TMEM132B: variants seen among roughly 807,000 people sequenced by gnomAD.
The protein encoded by TMEM132B is transmembrane protein 132B.
A neutral mutation model predicts 90.8 loss-of-function variants in TMEM132B; 18 were observed. The observed-to-expected ratio is 0.20, with a 90% CI of 0.14 to 0.29. The LOEUF (loss-of-function observed/expected upper bound fraction) is 0.29. TMEM132B is among the 10% of genes least tolerant of loss of function. The pLI is 1.00. For missense variants in TMEM132B, 1,096 were observed against 1,326.8 expected (o/e 0.83, Z 2.70); for synonymous variants, 504 against 523.3 (o/e 0.96, Z 0.50).
At chr12:125,374,668 T>C (rs1260784832) in intron 2 of TMEM132B, among the ~76,000 whole-genome samples, 1 of 148,454 alleles carries the variant, frequency 6.7e-6, no homozygotes, top group Non-Finnish European at 1.5e-5. Flanking sequence ...CTTCTCTATC[T>C]TTCTTGCCTA....
intron 5 of TMEM132B, among the ~76,000 whole-genome samples, chr12:125,640,501 C>T (rs191505912): frequency 1.1e-4 from 16 of 152,154 alleles, no homozygotes; most frequent in East Asian, 3.9e-4. Context: ...GGGCCTGTGC[C>T]GGGTAGGGAG....
rs563948636 is a variant in TMEM132B, at chr12:125,324,394, T to C, written c.68-25058T>C. On this transcript the variant is annotated intron_variant, in intron 1 of 8. Transcript: ENST00000682704. The stretch of plus-strand genomic sequence containing the variant: ...GTCACGTCACGCGTGTGCAGGTAGA[T>C]TCATAGGATAAGTTCTGAGAAGAAG... Among the ~76,000 whole-genome samples the C allele has an allele frequency of 4.6e-5, 7 of 152,320 alleles. No individual in the cohort carries two copies. In the East Asian group the frequency reaches 1.4e-3, roughly 29 times the overall value.
chr12:125,534,347 A>G (rs534270220), intron 4 of TMEM132B, among the ~76,000 whole-genome samples: 6 of 152,142 alleles, frequency 3.9e-5, no homozygotes, highest in Non-Finnish European at 8.8e-5. Flanking sequence ...TGAGACTCCT[A>G]TCTCTACAAA....
chr12:125,301,334 A>G (rs919415114), intron 1 of TMEM132B: 5 of 152,122 alleles, frequency 3.3e-5, no homozygotes, highest in South Asian at 2.1e-4. Context: ...GGCGGGGTCT[A>G]TTTCTCTACC....
At chr12:125,337,380 G>C (rs1330513060) in intron 1 of TMEM132B, among the ~76,000 whole-genome samples, 1 of 152,054 alleles carries the variant, frequency 6.6e-6, no homozygotes, top group Non-Finnish European at 1.5e-5. Context: ...TCCTCGCGTG[G>C]AGGTTCCAGG....
chr12:125,606,421 C>T (rs1344960876), intron 5 of TMEM132B, among the ~76,000 whole-genome samples: 1 of 151,044 alleles, frequency 6.6e-6, no homozygotes, highest in Non-Finnish European at 1.5e-5. Context: ...AATATGTGTG[C>T]ACACATGAGC....
At chr12:125,316,758 G>A (rs1220741744) in intron 1 of TMEM132B, among the ~76,000 whole-genome samples, 2 of 152,204 alleles carry the variant, frequency 1.3e-5, no homozygotes, top group Non-Finnish European at 2.9e-5. Context: ...GGGGGCTGCA[G>A]TGACGTAAGC....
chr12:125,508,963 T>A (rs1032634825), intron 3 of TMEM132B, among the ~76,000 whole-genome samples: 6 of 151,902 alleles, frequency 3.9e-5, no homozygotes, highest in Admixed American at 2.6e-4. Flanking sequence ...TTTGTAGTTT[T>A]GGTAGAGACG....
chr12:125,233,981 G>A (rs1396001334), intron 1 of TMEM132B, among the ~76,000 whole-genome samples: 1 of 152,138 alleles, frequency 6.6e-6, no homozygotes, highest in Non-Finnish European at 1.5e-5. Context: ...TCTCTTACTG[G>A]CTTCTTATTA....
intron 3 of TMEM132B, among the ~76,000 whole-genome samples, chr12:125,489,262 T>A (rs1417731811): frequency 6.6e-6 from 1 of 152,218 alleles, no homozygotes; most frequent in South Asian, 2.1e-4. Context: ...CCTTCATTTA[T>A]GGTTGAGAAA....
intron 4 of TMEM132B, among the ~76,000 whole-genome samples, chr12:125,568,788 A>G (rs1376937987): frequency 6.6e-6 from 1 of 152,150 alleles, no homozygotes; most frequent in Non-Finnish European, 1.5e-5. Context: ...GAGTGACCAC[A>G]TTTACTTTGA....
At chr12:125,258,901 G>A (rs1874499208) in intron 1 of TMEM132B, among the ~76,000 whole-genome samples, 1 of 152,172 alleles carries the variant, frequency 6.6e-6, no homozygotes, top group South Asian at 2.1e-4. Context: ...CGGAGAAGGA[G>A]CCATCCTTGG....
chr12:125,234,043 G>A (rs1275631794), intron 1 of TMEM132B, among the ~76,000 whole-genome samples: 1 of 152,192 alleles, frequency 6.6e-6, no homozygotes, highest in African/African-American at 2.4e-5. Flanking sequence ...AAGGATTGCT[G>A]TAGTCAGGGA....
chr12:125,349,359 G>A lies in TMEM132B; in HGVS notation c.68-93G>A, dbSNP rs368413464. 29 of 1,390,890 alleles carry A rather than the reference G, an allele frequency of 2.1e-5. No individual in the cohort carries two copies. Among genetic ancestry groups the A allele is most frequent in the African/African-American group, 1.4e-4 (10 of 69,276 alleles). The allele number at this position is 1,390,890 out of a possible 1,614,324, so 86.2% of individuals were successfully genotyped here. A position where few individuals can be genotyped will look rare whatever the true frequency, so the allele number is the denominator to read the frequency against. ...GGGGGAGAAACAGTGGCCAGTGGGC[G>A]GTTTGTTGGGGAGGTGGGTGGAGAC... On this transcript the variant is annotated intron_variant, in intron 1 of 8. Coordinates refer to ENST00000682704, the MANE Select transcript of TMEM132B (RefSeq NM_001366854.1). The surrounding 1 kb of genome is among the most constrained non-coding windows in gnomAD (Gnocchi z 4.1).
intron 5 of TMEM132B, among the ~76,000 whole-genome samples, chr12:125,618,160 G>C (rs2136962683): frequency 6.6e-6 from 1 of 152,152 alleles, no homozygotes; most frequent in East Asian, 1.9e-4. Context: ...TTAAAAGCAG[G>C]GTGCTGGGTG....
intron 3 of TMEM132B, among the ~76,000 whole-genome samples, chr12:125,517,783 A>T (rs942202123): frequency 6.6e-6 from 1 of 152,134 alleles, no homozygotes; most frequent in Non-Finnish European, 1.5e-5. Context: ...CTCATTTTTC[A>T]GACAAGGAAG....
chr12:125,205,772 T>C (rs968096833), intron 1 of TMEM132B, among the ~76,000 whole-genome samples: 4 of 152,216 alleles, frequency 2.6e-5, no homozygotes, highest in Admixed American at 6.5e-5. Context: ...TGACCCAGCC[T>C]TGGAAACCAC....
chr12:125,257,354 C>T (rs1039148933), intron 1 of TMEM132B, among the ~76,000 whole-genome samples: 14 of 152,266 alleles, frequency 9.2e-5, no homozygotes, highest in African/African-American at 2.9e-4. Flanking sequence ...CTGTTTCTAC[C>T]GTTGGTCAGT....
chr12:125,473,974 T>C (rs1254703224), intron 3 of TMEM132B, among the ~76,000 whole-genome samples: 1 of 152,004 alleles, frequency 6.6e-6, no homozygotes, highest in East Asian at 1.9e-4. Flanking sequence ...AATAGCAATG[T>C]GTTTTTTTTT....
Sources: allele counts gnomAD v4.1 joint callset (sites outside exome capture counted in the v4.1 genomes callset), GRCh38; gene constraint gnomAD v4.1.1; non-coding constraint Gnocchi (gnomAD v3.1); transcripts MANE v1.5; gene names NCBI Gene and HGNC (gene_info 2026-07-23, HGNC 2026-07-21).